GYS2: variants seen among roughly 807,000 people sequenced by gnomAD.
GYS2 encodes the protein glycogen [starch] synthase, liver.
Under a neutral mutation model 85.6 loss-of-function variants are expected in GYS2, and 80 were observed. That is an observed-to-expected ratio of 0.93 (90% confidence interval 0.78 to 1.13). The LOEUF (loss-of-function observed/expected upper bound fraction) is 1.13, where lower values mean the gene tolerates loss of function less well. Ranked by LOEUF, GYS2 falls within the 50% of genes most tolerant of loss-of-function variation. The pLI, the probability that GYS2 is intolerant of heterozygous loss-of-function variation, is 0.00. For missense variants in GYS2, 881 were observed against 854.9 expected (o/e 1.03, Z -0.38); for synonymous variants, 328 against 300.7 (o/e 1.09, Z -0.94).
At chr12:21,596,910 T>C (rs542212465) in intron 1 of GYS2, among the ~76,000 whole-genome samples, 1 of 152,120 alleles carries the variant, frequency 6.6e-6, no homozygotes, top group African/African-American at 2.4e-5. Flanking sequence ...AGTTTCCAGA[T>C]ACAAGATGAA....
chr12:21,575,948 C>A lies in GYS2; in HGVS notation c.413G>T (p.Cys138Phe). 3 of 1,613,822 alleles carry A rather than the reference C, an allele frequency of 1.9e-6. No individual in the cohort carries two copies. The highest frequency in any genetic ancestry group is 2.5e-6 in the Non-Finnish European group (3 of 1,179,752). Reference sequence around the variant, plus strand: ...GTCATGATAAGGAATGCCGACACTGCATGCTTCCCAGAGGTCACCCTTCCA... The same window carrying A: ...GTCATGATAAGGAATGCCGACACTGAATGCTTCCCAGAGGTCACCCTTCCA... ...DRWKGDLWEACSVGIPYHDRE... is the reference protein window; with the variant it reads ...DRWKGDLWEAFSVGIPYHDRE... Residue 138 changes from cysteine to phenylalanine, a missense_variant, in exon 3 of 16, where the codon TGC becomes TTC. Physicochemically the swap from Cys to Phe is radical, Grantham distance 205 (BLOSUM62 -2). Transcript: ENST00000261195.
At chr12:21,587,090 C>G (rs1944582600) in intron 1 of GYS2, among the ~76,000 whole-genome samples, 1 of 152,122 alleles carries the variant, frequency 6.6e-6, no homozygotes, top group African/African-American at 2.4e-5. Flanking sequence ...GAAAGTCAAA[C>G]ACAGTATGTT....
chr12:21,552,780 T>A (rs1944128939), intron 11 of GYS2, among the ~76,000 whole-genome samples: 1 of 152,242 alleles, frequency 6.6e-6, no homozygotes, highest in Non-Finnish European at 1.5e-5. Flanking sequence ...ACTTTTTTTC[T>A]CTGCCTGGTG....
At chr12:21,539,130 T>C (rs1943943053) in intron 15 of GYS2, 128 bp downstream of exon 15, 1 of 661,124 alleles carries the variant, frequency 1.5e-6, no homozygotes, top group Non-Finnish European at 2.7e-6. Flanking sequence ...CTCTCTCTCC[T>C]TTGGTTTGAT....
chr12:21,562,557 C>T (rs1944266523), intron 7 of GYS2, among the ~76,000 whole-genome samples: 1 of 152,080 alleles, frequency 6.6e-6, no homozygotes, highest in Non-Finnish European at 1.5e-5. Flanking sequence ...TCTGCATTTA[C>T]TGGATTTCTC....
chr12:21,541,744 A>T (rs1203859557), intron 13 of GYS2, among the ~76,000 whole-genome samples: 1 of 151,974 alleles, frequency 6.6e-6, no homozygotes, highest in South Asian at 2.1e-4. Context: ...ACATGTGCAC[A>T]TTTGTTAGAT....
chr12:21,604,461 GC>G lies in GYS2; in HGVS notation c.121+10del. On this transcript the variant is annotated intron_variant, in intron 1 of 15. Transcript: ENST00000261195. ...AAGGTGTACTGATCCACCTTCAGGAGCAGTACAAACCTTTATTGGTCACTTC... is the reference window on the plus strand; with the variant it reads ...AAGGTGTACTGATCCACCTTCAGGAGAGTACAAACCTTTATTGGTCACTTC... 6.5e-7 allele frequency: 1 copy of G among 1,535,148 alleles called. No individual in the cohort carries two copies. The highest frequency in any genetic ancestry group is 1.1e-5 in the South Asian group (1 of 89,556).
intron 5 of GYS2, among the ~76,000 whole-genome samples, chr12:21,566,459 A>G (rs1944321928): frequency 6.6e-6 from 1 of 151,988 alleles, no homozygotes; most frequent in Admixed American, 6.6e-5. Context: ...CACAATTTCC[A>G]TCAGAGCCAC....
At chr12:21,572,210 G>A (rs1451280705) in intron 4 of GYS2, among the ~76,000 whole-genome samples, 4 of 152,110 alleles carry the variant, frequency 2.6e-5, no homozygotes, top group Non-Finnish European at 4.4e-5. Flanking sequence ...TTAAACCAGC[G>A]TTAGAGTTTT....
intron 1 of GYS2, among the ~76,000 whole-genome samples, chr12:21,599,398 T>C (rs1295666596): frequency 2.0e-5 from 3 of 152,144 alleles, no homozygotes; most frequent in Non-Finnish European, 4.4e-5. Flanking sequence ...TTCTAGATCC[T>C]CAGTTAAAAT....
chr12:21,559,393 C>G (rs1871134), intron 9 of GYS2, among the ~76,000 whole-genome samples: 113,509 of 152,126 alleles, frequency 0.75, 42,621 homozygotes, highest in South Asian at 0.79. Context: ...CTCTCAGCTT[C>G]AGACTGACAT....
chr12:21,598,552 T>C (rs1476731620), intron 1 of GYS2, among the ~76,000 whole-genome samples: 1 of 152,068 alleles, frequency 6.6e-6, no homozygotes, highest in Non-Finnish European at 1.5e-5. Flanking sequence ...TTTACCTCAG[T>C]TTTTACTATT....
chr12:21,565,390 A>AATATATATATATATATAT (rs55790137), intron 5 of GYS2, among the ~76,000 whole-genome samples: 2 of 73,656 alleles, frequency 2.7e-5, no homozygotes, highest in Non-Finnish European at 2.5e-5. Flanking sequence ...CCATCCATGA[A>AATATATATATATATATAT]ATATATATAT....
chr12:21,572,734 A>T (rs1944401021), intron 4 of GYS2, among the ~76,000 whole-genome samples: 1 of 152,238 alleles, frequency 6.6e-6, no homozygotes, highest in Admixed American at 6.5e-5. Context: ...ATTGTAATAT[A>T]TAACTATATA....
At position 21,563,212 on chromosome 12, in the gene GYS2, A is replaced by T. The variant is rs993240101; in HGVS notation, c.941+16T>A. 5.5e-6 allele frequency: 8 copies of T among 1,442,560 alleles called. No homozygotes were observed. The highest frequency in any genetic ancestry group is 1.4e-5 in the African/African-American group (1 of 71,598). 89.4% of individuals were successfully genotyped at this position (1,442,560 alleles called of 1,614,324 possible). On this transcript the variant is annotated intron_variant, in intron 6 of 15. Transcript: ENST00000261195. ...TATCTGATACTTCTTTTTCTTTTTA[A>T]TAAAGAAAATCATACCCATAGAAAT...
intron 1 of GYS2, among the ~76,000 whole-genome samples, chr12:21,585,992 TG>T (rs1944568542): frequency 6.6e-6 from 1 of 152,174 alleles, no homozygotes; most frequent in South Asian, 2.1e-4. Context: ...AGGCTCAAGT[TG>T]ACAAGCGATG....
intron 11 of GYS2, among the ~76,000 whole-genome samples, chr12:21,550,172 C>G (rs572327713): frequency 6.6e-6 from 1 of 152,104 alleles, no homozygotes; most frequent in Non-Finnish European, 1.5e-5. Flanking sequence ...TTACCTGTCA[C>G]AGTTCTAAAA....
intron 13 of GYS2, among the ~76,000 whole-genome samples, chr12:21,542,259 A>G (rs1388230391): frequency 6.6e-6 from 1 of 152,148 alleles, no homozygotes; most frequent in South Asian, 2.1e-4. Flanking sequence ...CGTGTTGGCC[A>G]TGCTGGTCTC....
chr12:21,580,327 T>A lies in GYS2; in HGVS notation c.303+15A>T. Reference sequence around the variant, plus strand: ...GTTTACTGAGAATTGCCAAGTGAAGTGTCAGTTCCTTTACCTGGCAGCCAT... The same window carrying A: ...GTTTACTGAGAATTGCCAAGTGAAGAGTCAGTTCCTTTACCTGGCAGCCAT... On this transcript the variant is annotated intron_variant, in intron 2 of 15. Transcript: ENST00000261195. 1 of 1,604,784 alleles carries A rather than the reference T, an allele frequency of 6.2e-7. No individual in the cohort carries two copies. The highest frequency in any genetic ancestry group is 8.5e-7 in the Non-Finnish European group (1 of 1,172,038).
Sources: allele counts gnomAD v4.1 joint callset (sites outside exome capture counted in the v4.1 genomes callset), GRCh38; gene constraint gnomAD v4.1.1; transcripts MANE v1.5; gene names NCBI Gene and HGNC (gene_info 2026-07-23, HGNC 2026-07-21).